The following UMAD1 variants were observed in gnomAD, a reference collection of about 807,000 sequenced individuals.
UMAD1 encodes the protein UBAP1-MVB12-associated (UMA)-domain containing protein 1.
UMAD1 carries 8 observed loss-of-function variants against 6.1 expected under a neutral mutation model. The ratio of observed to expected loss-of-function variants is 1.30; its 90% confidence interval spans 0.76 to 2.35. The LOEUF (loss-of-function observed/expected upper bound fraction) is 2.35. Ranked by LOEUF, UMAD1 falls within the 30% of genes most tolerant of loss-of-function variation. The probability of loss-of-function intolerance (pLI) is 0.00; values close to 1 mark genes in which losing one functional copy is unlikely to be tolerated. For missense variants in UMAD1, 130 were observed against 78.4 expected (o/e 1.66, Z -2.49); for synonymous variants, 56 against 31.4 (o/e 1.78, Z -2.61).
At chr7:7,833,617 G>A (rs927008501) in intron 3 of UMAD1, among the ~76,000 whole-genome samples, 2 of 152,122 alleles carry the variant, frequency 1.3e-5, no homozygotes, top group African/African-American at 2.4e-5. Flanking sequence ...ATAACTCTTG[G>A]TAATTACCAT....
At chr7:7,672,955 A>AT (rs1192767259) in intron 1 of UMAD1, among the ~76,000 whole-genome samples, 2 of 151,928 alleles carry the variant, frequency 1.3e-5, no homozygotes, top group Admixed American at 6.6e-5. Flanking sequence ...TGTTTATTTT[A>AT]TTTTTTCCTA....
chr7:7,809,490 A>G (rs1394812643), intron 3 of UMAD1, among the ~76,000 whole-genome samples: 1 of 152,038 alleles, frequency 6.6e-6, no homozygotes, highest in Non-Finnish European at 1.5e-5. Context: ...TTACAATGTG[A>G]AATGATTAAA....
intron 2 of UMAD1, among the ~76,000 whole-genome samples, chr7:7,674,696 G>A (rs1355727941): frequency 6.6e-6 from 1 of 152,210 alleles, no homozygotes. Flanking sequence ...TTCATAGTGT[G>A]TCAGGAATTT....
chr7:7,824,187 C>T (rs1783298744), intron 3 of UMAD1, among the ~76,000 whole-genome samples: 1 of 152,088 alleles, frequency 6.6e-6, no homozygotes, highest in Non-Finnish European at 1.5e-5. Context: ...TGGATTATTA[C>T]TAAGGCTTCC....
intron 2 of UMAD1, among the ~76,000 whole-genome samples, chr7:7,786,499 G>A (rs1782463749): frequency 6.6e-6 from 1 of 152,106 alleles, no homozygotes; most frequent in African/African-American, 2.4e-5. Flanking sequence ...GCTATGAGAT[G>A]GGGAGGTAGA....
intron 3 of UMAD1, among the ~76,000 whole-genome samples, chr7:7,808,154 A>G (rs6463726): frequency 0.92 from 139,068 of 151,724 alleles, 63,856 homozygotes; most frequent in African/African-American, 0.97. Context: ...GAAGAGTTAC[A>G]ATTCAACCTA....
chr7:7,845,586 C>G (rs560352581), intron 3 of UMAD1, among the ~76,000 whole-genome samples: 105 of 152,188 alleles, frequency 6.9e-4, no homozygotes, highest in African/African-American at 2.4e-3. Context: ...CAGAATTTTT[C>G]ACTGAACTCT....
chr7:7,815,324 A>G (rs12671102), intron 3 of UMAD1, among the ~76,000 whole-genome samples: 44,259 of 152,014 alleles, frequency 0.29, 6,521 homozygotes, highest in Admixed American at 0.33. Flanking sequence ...TCTGATGTAT[A>G]CTAGATACTC....
At chr7:7,848,688 C>T (rs1783856952) in intron 3 of UMAD1, among the ~76,000 whole-genome samples, 1 of 151,874 alleles carries the variant, frequency 6.6e-6, no homozygotes, top group Non-Finnish European at 1.5e-5. Context: ...GTTTGAAAGC[C>T]AGTAAATAAT....
At chr7:7,724,492 C>G (rs1211705287) in intron 2 of UMAD1, among the ~76,000 whole-genome samples, 1 of 152,146 alleles carries the variant, frequency 6.6e-6, no homozygotes, top group Non-Finnish European at 1.5e-5. Context: ...TTAGAGATGC[C>G]TCTACCTAGA....
At chr7:7,674,708 T>C (rs1312527566) in intron 2 of UMAD1, among the ~76,000 whole-genome samples, 1 of 152,218 alleles carries the variant, frequency 6.6e-6, no homozygotes, top group Non-Finnish European at 1.5e-5. Flanking sequence ...CAGGAATTTA[T>C]GCCTTGGCTT....
chr7:7,674,900 A>G (rs963306413), intron 2 of UMAD1, among the ~76,000 whole-genome samples: 1 of 152,112 alleles, frequency 6.6e-6, no homozygotes, highest in African/African-American at 2.4e-5. Context: ...ATTTTTTCCA[A>G]AAAACTCTTG....
At chr7:7,822,894 A>G (rs779120197) in intron 3 of UMAD1, among the ~76,000 whole-genome samples, 2 of 151,644 alleles carry the variant, frequency 1.3e-5, no homozygotes, top group Non-Finnish European at 2.9e-5. Flanking sequence ...AGTTTTTTTT[A>G]GGTGACATGT....
intron 3 of UMAD1, among the ~76,000 whole-genome samples, chr7:7,861,538 G>A (rs1314518126): frequency 6.6e-6 from 1 of 152,198 alleles, no homozygotes; most frequent in African/African-American, 2.4e-5. Flanking sequence ...GTTAGGTGCA[G>A]CAAGTGTGAG....
chr7:7,736,310 A>G (rs1781358267), intron 2 of UMAD1: 1 of 152,710 alleles, frequency 6.5e-6, no homozygotes, highest in African/African-American at 2.4e-5. Flanking sequence ...TTGAAATTGC[A>G]CGTTTCTTCC....
chr7:7,652,182 G>A (rs770896641), intron 1 of UMAD1, among the ~76,000 whole-genome samples: 13 of 152,142 alleles, frequency 8.5e-5, no homozygotes, highest in Non-Finnish European at 1.5e-4. Flanking sequence ...TCTTCTTTGT[G>A]GTTCATGCTC....
At chr7:7,824,245 C>T (rs145543198) in intron 3 of UMAD1, among the ~76,000 whole-genome samples, 2 of 152,170 alleles carry the variant, frequency 1.3e-5, no homozygotes, top group Non-Finnish European at 2.9e-5. Context: ...AGTACCCCGG[C>T]TCACCTTCAG....
chr7:7,867,183 T>C (rs1459114089), intron 3 of UMAD1, among the ~76,000 whole-genome samples: 1 of 152,112 alleles, frequency 6.6e-6, no homozygotes, highest in Non-Finnish European at 1.5e-5. Flanking sequence ...TTAAAACATG[T>C]TGAGTGTAAG....
intron 3 of UMAD1, among the ~76,000 whole-genome samples, chr7:7,841,621 T>C (rs1783683704): frequency 6.6e-6 from 1 of 152,186 alleles, no homozygotes; most frequent in South Asian, 2.1e-4. Flanking sequence ...TATCACATTT[T>C]TGTACAATTG....
Sources: allele counts gnomAD v4.1 joint callset (sites outside exome capture counted in the v4.1 genomes callset), GRCh38; gene constraint gnomAD v4.1.1; transcripts MANE v1.5; gene names NCBI Gene and HGNC (gene_info 2026-07-23, HGNC 2026-07-21).